Variants in PLEKHG7 observed in about 807,000 individuals in gnomAD.
PLEKHG7 encodes the protein pleckstrin homology domain-containing family G member 7.
PLEKHG7 carries 77 observed loss-of-function variants against 85.2 expected under a neutral mutation model. The ratio of observed to expected loss-of-function variants is 0.90; its 90% confidence interval spans 0.75 to 1.09. The LOEUF (loss-of-function observed/expected upper bound fraction) is 1.09. Among genes scored for constraint, PLEKHG7 ranks in the 50% least tolerant of loss-of-function variants. PLEKHG7 has a pLI of 0.00. For synonymous variants in PLEKHG7, 301 were observed against 302.4 expected, an observed-to-expected ratio of 1.00 and a Z score of 0.05; for missense variants, 777 against 804.3, an observed-to-expected ratio of 0.97 and a Z score of 0.41.
At position 92,740,836 on chromosome 12, in the gene PLEKHG7, TA is replaced by T. The variant is rs1565792251; in HGVS notation, c.940-16del. On this transcript the variant is annotated splice_polypyrimidine_tract_variant and intron_variant, in intron 7 of 16. Coordinates refer to ENST00000344636, the MANE Select transcript of PLEKHG7 (RefSeq NM_001377329.1). ...TAAAAAACAGAAATTAATGTGTATA[TA>T]TTTTTTATTTCAAAGATCTTTATGA... 2 of 1,520,636 alleles carry T rather than the reference TA, an allele frequency of 1.3e-6. No individual in the cohort carries two copies. Among genetic ancestry groups the T allele is most frequent in the Non-Finnish European group, 1.8e-6 (2 of 1,104,058 alleles). 94.2% of individuals were successfully genotyped at this position (1,520,636 alleles called of 1,614,324 possible). A position where few individuals can be genotyped will look rare whatever the true frequency, so the allele number is the denominator to read the frequency against.
intron 5 of PLEKHG7, among the ~76,000 whole-genome samples, chr12:92,734,160 T>A (rs1320823071): frequency 1.3e-5 from 2 of 152,200 alleles, no homozygotes; most frequent in African/African-American, 4.8e-5. Flanking sequence ...CCTCTTAGCC[T>A]TATTTATCAT....
chr12:92,749,981 ATTTTAT>A (rs1872646132), intron 10 of PLEKHG7, among the ~76,000 whole-genome samples: 1 of 92,254 alleles, frequency 1.1e-5, no homozygotes, highest in African/African-American at 4.3e-5. Flanking sequence ...ATTTTATTTT[ATTTTAT>A]TATTTTATTT....
intron 3 of PLEKHG7, among the ~76,000 whole-genome samples, chr12:92,712,705 C>T (rs7138178): frequency 0.054 from 8,166 of 152,106 alleles, 736 homozygotes; most frequent in African/African-American, 0.18. Flanking sequence ...CCTTTCCCTC[C>T]GTAATAGCCC....
intron 13 of PLEKHG7, 125 bp from the exon 14 acceptor site, chr12:92,761,627 A>AAAGAAAGAAAGAAAGGAAG (rs1555196580): frequency 2.5e-5 from 2 of 79,356 alleles, no homozygotes; most frequent in Non-Finnish European, 3.5e-5. Flanking sequence ...AAGAAAGAAG[A>AAAGAAAGAAAGAAAGGAAG]AAGAAAGAAA....
Position 92,754,252 on chromosome 12 carries a change from G to C in PLEKHG7, c.1414G>C (p.Glu472Gln), listed in dbSNP as rs1211165009. 5.0e-6 allele frequency: 8 copies of C among 1,613,736 alleles called. No individual in the cohort carries two copies. Among genetic ancestry groups the C allele is most frequent in the Non-Finnish European group, 5.1e-6 (6 of 1,179,894 alleles). ...GATCTACTCCATCAAGGAAAAGGTG[G>C]AAAAGTCCATCCGTAAGTCCCTGAG... ...IMIYSIKEKV[E>Q]KSIRDLEGKV... The change falls in exon 11 of 17, where the codon GAA becomes CAA. Residue 472 changes from glutamate to glutamine, a missense_variant. Physicochemically the swap from Glu to Gln is conservative, Grantham distance 29. This residue lies in a region of PLEKHG7 where 520 missense variants were observed against 544.0 expected (regional missense o/e 0.96). Coordinates refer to ENST00000344636, the MANE Select transcript of PLEKHG7 (RefSeq NM_001377329.1).
intron 10 of PLEKHG7, among the ~76,000 whole-genome samples, chr12:92,753,774 G>A (rs780634288): frequency 3.3e-5 from 5 of 152,156 alleles, no homozygotes; most frequent in Non-Finnish European, 7.4e-5. Context: ...CAACAAGGAT[G>A]GGACCAAAGC....
At chr12:92,744,040 C>G (rs1872446492) in intron 9 of PLEKHG7, among the ~76,000 whole-genome samples, 2 of 152,188 alleles carry the variant, frequency 1.3e-5, no homozygotes, top group African/African-American at 4.8e-5. Flanking sequence ...CTTGCTGAAG[C>G]CAAAACTTGA....
chr12:92,725,453 G>T (rs991837215), intron 3 of PLEKHG7, among the ~76,000 whole-genome samples: 2 of 152,086 alleles, frequency 1.3e-5, no homozygotes, highest in African/African-American at 4.8e-5. Flanking sequence ...TGGAATCAAG[G>T]AGATAAAAAG....
chr12:92,728,564 T>C (rs1871892086), intron 3 of PLEKHG7, among the ~76,000 whole-genome samples: 1 of 142,236 alleles, frequency 7.0e-6, no homozygotes. Flanking sequence ...CCACATTCCA[T>C]GGTGTGTGTA....
rs767962998 is a variant in PLEKHG7, at chr12:92,770,130, A to G, written c.2011A>G (p.Thr671Ala). ...AATAACAACTGCAATTTCTTGCTTT[A>G]CCAAGAGTCAGGAAACCAAGAAAAT... Reference protein sequence around the residue: ...AQITTAISCFTKSQETKKISL... With the variant: ...AQITTAISCFAKSQETKKISL... Residue 671 changes from threonine to alanine, a missense_variant, in exon 17 of 17, where the codon ACC becomes GCC. By Grantham distance (58) the Thr-to-Ala change is moderately conservative. Transcript: ENST00000344636. 3 of 1,607,954 alleles carry G rather than the reference A, an allele frequency of 1.9e-6. No homozygotes were observed. Among genetic ancestry groups the G allele is most frequent in the Non-Finnish European group, 2.5e-6 (3 of 1,178,236 alleles).
intron 5 of PLEKHG7, among the ~76,000 whole-genome samples, chr12:92,733,239 G>A (rs939023888): frequency 6.6e-6 from 1 of 152,180 alleles, no homozygotes; most frequent in Non-Finnish European, 1.5e-5. Flanking sequence ...CAGAAGACCA[G>A]TGCCAGCCTC....
chr12:92,755,850 G>C lies in PLEKHG7; in HGVS notation c.1452G>C (p.Trp484Cys), dbSNP rs780040591. The C allele has an allele frequency of 6.8e-6, 11 of 1,613,404 alleles. No individual in the cohort carries two copies. The South Asian group carries it at 8.8e-5, about 13-fold the overall frequency. Residue 484 changes from tryptophan to cysteine, a missense_variant, in exon 12 of 17, where the codon TGG (tryptophan) becomes TGC (cysteine). This residue lies in a region of PLEKHG7 where 520 missense variants were observed against 544.0 expected (regional missense o/e 0.96). Transcript: ENST00000344636. ...SIRDLEGKVK[W>C]LDNFQKFRYL... ...GGGACCTTGAAGGAAAAGTGAAGTG[G>C]CTGGACAATTTCCAAAAATTTAGAT...
intron 5 of PLEKHG7, among the ~76,000 whole-genome samples, chr12:92,734,412 C>T (rs925157227): frequency 1.3e-5 from 2 of 152,176 alleles, no homozygotes; most frequent in Non-Finnish European, 2.9e-5. Flanking sequence ...TGCATGTATT[C>T]TTGTTTATGC....
intron 7 of PLEKHG7, 100 bp downstream of exon 7, chr12:92,737,621 GA>G: frequency 9.0e-7 from 1 of 1,109,200 alleles, no homozygotes; most frequent in Non-Finnish European, 1.3e-6. Context: ...AAGAAAGAGA[GA>G]AAAGAAAGAA....
At chr12:92,753,450 A>G (rs957148888) in intron 10 of PLEKHG7, among the ~76,000 whole-genome samples, 1 of 152,142 alleles carries the variant, frequency 6.6e-6, no homozygotes, top group Non-Finnish European at 1.5e-5. Context: ...ACTTACTACA[A>G]TTACTAAATT....
chr12:92,768,979 C>T lies in PLEKHG7; in HGVS notation c.1871-4C>T, dbSNP rs1873308854. ...CTTTTTGTCTTTGTAATATCTTTTT[C>T]TAGTCTTTGGGCTGAGAAATGCTTT... On this transcript the variant is annotated splice_polypyrimidine_tract_variant and splice_region_variant and intron_variant, in intron 15 of 16. Transcript: ENST00000344636. 4.5e-6 allele frequency: 7 copies of T among 1,554,576 alleles called. No individual in the cohort carries two copies. The highest frequency in any genetic ancestry group is 1.4e-5 in the African/African-American group (1 of 72,930).
At chr12:92,707,948 C>A in intron 3 of PLEKHG7, 2 of 495,184 alleles carry the variant, frequency 4.0e-6, no homozygotes, top group Non-Finnish European at 7.1e-6. Flanking sequence ...GCTTAATTAA[C>A]ATCCACTTAG....
Position 92,761,805 on chromosome 12 carries a change from G to C in PLEKHG7, c.1690G>C (p.Val564Leu). 6.3e-7 allele frequency: 1 copy of C among 1,577,324 alleles called. No individual in the cohort carries two copies. The highest frequency in any genetic ancestry group is 1.2e-5 in the South Asian group (1 of 83,866). Reference protein sequence around the residue: ...YLFLFNDFLLVTKTKCNKKKL... With the variant: ...YLFLFNDFLLLTKTKCNKKKL... ...GTTTCTCTTCAATGATTTCCTCTTA[G>C]TTACGAAAACTAAGTGCAACAAAAA... The change falls in exon 14 of 17, where the codon GTT becomes CTT. Residue 564 changes from valine to leucine, a missense_variant. Val to Leu is a conservative substitution (Grantham distance 32). Coordinates refer to ENST00000344636, the MANE Select transcript of PLEKHG7 (RefSeq NM_001377329.1).
intron 3 of PLEKHG7, among the ~76,000 whole-genome samples, chr12:92,720,211 C>T (rs1229167467): frequency 6.6e-6 from 1 of 152,174 alleles, no homozygotes; most frequent in Non-Finnish European, 1.5e-5. Flanking sequence ...GGAGGACTTT[C>T]GCTTGCTTTT....
Sources: allele counts gnomAD v4.1 joint callset (sites outside exome capture counted in the v4.1 genomes callset), GRCh38; gene constraint gnomAD v4.1.1; regional missense constraint gnomAD v4.1.1; transcripts MANE v1.5; gene names NCBI Gene and HGNC (gene_info 2026-07-23, HGNC 2026-07-21).